The following PKD1L3 variants were observed in gnomAD, a reference collection of about 807,000 sequenced individuals.
PKD1L3 encodes polycystin 1 like 3, transient receptor potential channel interacting, also known as polycystin-1-like protein 3.
PKD1L3 carries 239 observed loss-of-function variants against 184.1 expected under a neutral mutation model. The observed-to-expected ratio is 1.30, with a 90% CI of 1.17 to 1.45. The LOEUF is 1.45. Among genes scored for constraint, PKD1L3 ranks in the 40% most tolerant of loss-of-function variants. PKD1L3 has a pLI of 0.00. For synonymous variants in PKD1L3, 996 were observed against 778.8 expected (o/e 1.28, Z -4.64); for missense variants, 2,660 against 2,067.2 (o/e 1.29, Z -5.56).
chr16:71,939,943 G>A (rs1029386440), intron 24 of PKD1L3, among the ~76,000 whole-genome samples: 3 of 152,114 alleles, frequency 2.0e-5, no homozygotes, highest in Non-Finnish European at 2.9e-5. Context: ...AAAAGTAGAG[G>A]AATCACATTG....
chr16:71,934,888 T>C (rs1461538345), intron 26 of PKD1L3, among the ~76,000 whole-genome samples: 1 of 152,170 alleles, frequency 6.6e-6, no homozygotes, highest in Non-Finnish European at 1.5e-5. Context: ...TAGATGTTCC[T>C]CTCCATGGGA....
intron 11 of PKD1L3, among the ~76,000 whole-genome samples, chr16:71,976,111 C>G (rs1015118519): frequency 1.7e-4 from 26 of 151,786 alleles, no homozygotes; most frequent in African/African-American, 6.1e-4. Flanking sequence ...CCATGACCAG[C>G]TAATTTTTAT....
At chr16:71,982,011 T>C (rs1445712043) in intron 7 of PKD1L3, 48 bp downstream of exon 7, 30 of 1,452,736 alleles carry the variant, frequency 2.1e-5, no homozygotes, top group Non-Finnish European at 2.6e-5. Flanking sequence ...CCTGTCAAGA[T>C]TAAAATGCTT....
intron 21 of PKD1L3, among the ~76,000 whole-genome samples, 188 bp downstream of exon 21, chr16:71,949,595 T>C (rs376638365): frequency 7.9e-5 from 12 of 152,262 alleles, no homozygotes; most frequent in African/African-American, 2.9e-4. Flanking sequence ...TCAAGCAATC[T>C]GCCTGCCTTG....
intron 2 of PKD1L3, among the ~76,000 whole-genome samples, chr16:71,997,418 C>A (rs1041952794): frequency 4.6e-5 from 7 of 151,398 alleles, no homozygotes; most frequent in Admixed American, 6.6e-5. Flanking sequence ...AAGACCCCCC[C>A]CCCCACAACC....
At chr16:71,996,301 C>T (rs577408934) in intron 2 of PKD1L3, among the ~76,000 whole-genome samples, 1 of 132,888 alleles carries the variant, frequency 7.5e-6, no homozygotes, top group East Asian at 2.5e-4. Context: ...CTTGCTCTGT[C>T]ACCAGGCTAG....
Position 71,950,168 on chromosome 16 carries a change from G to A in PKD1L3, c.3333C>T (p.Leu1111=). 1 of 1,552,268 alleles carries A rather than the reference G, an allele frequency of 6.4e-7. No individual in the cohort carries two copies. The highest frequency in any genetic ancestry group is 1.7e-4 in the Middle Eastern group (1 of 5,998). ...GAATATGTGTTTCCAAGAGTTCCTG[G>A]AGTTTTTGAAGTTGGCTGGCTGCAT... The part of the protein sequence containing the change: ...FLDAASQLQK[L]QELLETHILP... The change falls in exon 20 of 30, where the codon CTC becomes CTT. Residue 1111 remains leucine (L), a synonymous_variant. Transcript: ENST00000620267.
intron 11 of PKD1L3, among the ~76,000 whole-genome samples, chr16:71,976,598 A>C (rs2039933688): frequency 6.6e-6 from 1 of 151,950 alleles, no homozygotes; most frequent in African/African-American, 2.4e-5. Context: ...ATCTACAATT[A>C]TCTCAAAATG....
Position 71,942,966 on chromosome 16 carries a change from A to G in PKD1L3, c.3918T>C (p.Asn1306=). ...MTAIYSAKNS[N]RFYLHQAIWK... is the part of the protein sequence containing the mutation. ...AGATAGCTTGGTGGAGGTAAAATCT[A>G]TTGGAGTTCTTTGCAGAGTAGATTG... The change falls in exon 24 of 30, where the codon AAT becomes AAC. Residue 1306 remains asparagine (N), a synonymous_variant. Transcript: ENST00000620267. The G allele has an allele frequency of 6.4e-7, 1 of 1,551,576 alleles. No individual in the cohort carries two copies. Among genetic ancestry groups the G allele is most frequent in the Non-Finnish European group, 8.7e-7 (1 of 1,146,930 alleles).
intron 2 of PKD1L3, among the ~76,000 whole-genome samples, chr16:71,996,682 G>A (rs900375836): frequency 5.3e-5 from 8 of 152,070 alleles, no homozygotes; most frequent in Non-Finnish European, 2.9e-5. Flanking sequence ...CTCAATAAAT[G>A]GCACCATAGA....
chr16:71,965,033 A>G, intron 15 of PKD1L3, among the ~76,000 whole-genome samples: 1 of 151,836 alleles, frequency 6.6e-6, no homozygotes, highest in East Asian at 1.9e-4. Flanking sequence ...TTTTTTGTAG[A>G]GACAGAATTT....
At position 71,961,803 on chromosome 16, in the gene PKD1L3, G is replaced by C. The variant is rs530056686; in HGVS notation, c.2612+1402C>G. Among the ~76,000 whole-genome samples, 4 of 152,274 alleles carry C rather than the reference G, an allele frequency of 2.6e-5. No individual in the cohort carries two copies. In the East Asian group the frequency reaches 7.7e-4, roughly 29 times the overall value. On this transcript the variant is annotated intron_variant, in intron 16 of 29. Coordinates refer to ENST00000620267, the MANE Select transcript of PKD1L3 (RefSeq NM_181536.2). ...GTTGTTTTAATCCACTCAGTTTTGG[G>C]AGTAATTTCTTATATGCCGCAATTG...
Position 71,977,498 on chromosome 16 carries a change from G to C in PKD1L3, c.1528-31C>G, listed in dbSNP as rs1357263981. ...ATAAGAGACAGTTAATCATTATAATGGTCCATCCATTGATGTCTTTCAAAA... is the reference window on the plus strand; with the variant it reads ...ATAAGAGACAGTTAATCATTATAATCGTCCATCCATTGATGTCTTTCAAAA... On this transcript the variant is annotated intron_variant, in intron 10 of 29. Coordinates refer to ENST00000620267, the MANE Select transcript of PKD1L3 (RefSeq NM_181536.2). The C allele has an allele frequency of 3.4e-6, 5 of 1,470,718 alleles. No individual in the cohort carries two copies. The South Asian group carries it at 3.6e-5, about 11-fold the overall frequency. 91.1% of individuals were successfully genotyped at this position (1,470,718 alleles called of 1,614,324 possible). A position where few individuals can be genotyped will look rare whatever the true frequency, so the allele number is the denominator to read the frequency against.
chr16:71,993,195 A>T (rs764027317), intron 3 of PKD1L3, 21 bp downstream of exon 3: 1 of 1,470,068 alleles, frequency 6.8e-7, no homozygotes, highest in Non-Finnish European at 9.2e-7. Flanking sequence ...TTTTAAGGTT[A>T]CTAGAGGAGT....
intron 15 of PKD1L3, among the ~76,000 whole-genome samples, chr16:71,966,580 C>T (rs908164089): frequency 7.9e-5 from 12 of 152,122 alleles, no homozygotes; most frequent in Non-Finnish European, 1.3e-4. Flanking sequence ...GTGCACACAA[C>T]CATGCCTGGC....
In PKD1L3 at chr16:71,942,603, C is replaced by T. The variant is rs753910934; in HGVS notation, c.4281G>A (p.Arg1427=). 1.9e-5 allele frequency: 30 copies of T among 1,551,530 alleles called. No homozygotes were observed. In the Middle Eastern group the frequency reaches 6.7e-4, roughly 34 times the overall value. The part of the protein sequence containing the change: ...VLIPTDELHE[R]LTSKNENGFS... The stretch of plus-strand genomic sequence containing the variant: ...ATCCATTCTCATTCTTGCTTGTCAG[C>T]CTTTCGTGAAGCTCATCAGTGGGAA... The change falls in exon 24 of 30, where the codon AGG becomes AGA. Residue 1427 remains arginine (R), a synonymous_variant. Transcript: ENST00000620267.
chr16:71,945,426 A>ATT (rs2038564851), intron 22 of PKD1L3, among the ~76,000 whole-genome samples: 4 of 145,632 alleles, frequency 2.7e-5, no homozygotes, highest in African/African-American at 1.0e-4. Context: ...TTATTTATTT[A>ATT]TATATGTATT....
chr16:71,988,884 A>T (rs957897249), intron 4 of PKD1L3, among the ~76,000 whole-genome samples: 1 of 152,228 alleles, frequency 6.6e-6, no homozygotes, highest in African/African-American at 2.4e-5. Context: ...GGCTTAAAAG[A>T]TAAGCGTTAT....
intron 18 of PKD1L3, 57 bp from the exon 19 acceptor site, chr16:71,951,801 T>C: frequency 6.8e-7 from 1 of 1,468,990 alleles, no homozygotes; most frequent in Non-Finnish European, 9.2e-7. Context: ...CCAGGATTTG[T>C]ACCAATTACA....
Sources: gnomAD v4.1 joint callset for allele counts (sites outside exome capture counted in the v4.1 genomes callset) on GRCh38, gnomAD v4.1.1 for gene constraint, MANE v1.5 for transcripts, NCBI Gene and HGNC (gene_info 2026-07-23, HGNC 2026-07-21) for gene names.